The following ADAM10 variants were observed in gnomAD, a reference collection of about 807,000 sequenced individuals.
The protein encoded by ADAM10 is ADAM metallopeptidase domain 10.
A neutral mutation model predicts 90.1 loss-of-function variants in ADAM10; 17 were observed. The observed-to-expected ratio is 0.19, with a 90% confidence interval of 0.13 to 0.28. The LOEUF (loss-of-function observed/expected upper bound fraction) is 0.28. Among genes scored for constraint, ADAM10 ranks in the 10% least tolerant of loss-of-function variants. The pLI, the probability that ADAM10 is intolerant of heterozygous loss-of-function variation, is 1.00. For synonymous variants in ADAM10, 310 were observed against 298.6 expected (o/e 1.04, Z -0.40); for missense variants, 610 against 914.3 (o/e 0.67, Z 4.29).
intron 4 of ADAM10, among the ~76,000 whole-genome samples, chr15:58,665,773 C>A (rs1275181541): frequency 6.6e-6 from 1 of 152,004 alleles, no homozygotes; most frequent in Non-Finnish European, 1.5e-5. Flanking sequence ...TTATTACAGG[C>A]ATTTGTTGTC....
intron 8 of ADAM10, among the ~76,000 whole-genome samples, chr15:58,640,237 G>T (rs957672919): frequency 1.3e-5 from 2 of 152,136 alleles, no homozygotes; most frequent in Admixed American, 6.5e-5. Flanking sequence ...GGTACCAGGG[G>T]CTTCCTGCCT....
At chr15:58,615,678 A>G (rs1245104805) in intron 11 of ADAM10, among the ~76,000 whole-genome samples, 2 of 152,206 alleles carry the variant, frequency 1.3e-5, no homozygotes, top group Non-Finnish European at 2.9e-5. Context: ...AAGACTAGCT[A>G]TACCTGTATC....
At chr15:58,633,684 T>A (rs1342800615) in intron 8 of ADAM10, among the ~76,000 whole-genome samples, 2 of 152,160 alleles carry the variant, frequency 1.3e-5, no homozygotes, top group Non-Finnish European at 2.9e-5. Flanking sequence ...TTTGAATATA[T>A]CAGTATTTAC....
intron 8 of ADAM10, 29 bp from the exon 9 acceptor site, chr15:58,633,388 T>A: frequency 1.3e-6 from 2 of 1,598,154 alleles, no homozygotes; most frequent in Non-Finnish European, 1.7e-6. Context: ...ATGGCTAAAT[T>A]AGTATCTGTT....
chr15:58,688,786 A>ATATATATATATATATATATATATATC, intron 2 of ADAM10, among the ~76,000 whole-genome samples: 24 of 122,348 alleles, frequency 2.0e-4, no homozygotes, highest in South Asian at 1.5e-3. Flanking sequence ...ATATATATAT[A>ATATATATATATATATATATATATATC]TCTCTCTCTC....
At chr15:58,620,105 A>G (rs1294084283) in intron 11 of ADAM10, among the ~76,000 whole-genome samples, 2 of 152,110 alleles carry the variant, frequency 1.3e-5, no homozygotes, top group African/African-American at 4.8e-5. Flanking sequence ...CACATTAGTT[A>G]ATTTATCGCT....
Position 58,621,637 on chromosome 15 carries a change from A to T in ADAM10, c.1361-16T>A. Reference sequence around the variant, plus strand: ...TGGCCAGATTCTGAGGAAAATAAACAAGACAAAGTAAGCATTGTGTGCACA... The same window carrying T: ...TGGCCAGATTCTGAGGAAAATAAACTAGACAAAGTAAGCATTGTGTGCACA... On this transcript the variant is annotated splice_polypyrimidine_tract_variant and intron_variant, in intron 10 of 15. Coordinates refer to ENST00000260408, the MANE Select transcript of ADAM10 (RefSeq NM_001110.4). The T allele has an allele frequency of 6.2e-7, 1 of 1,613,432 alleles. No individual in the cohort carries two copies. Among genetic ancestry groups the T allele is most frequent in the East Asian group, 2.2e-5 (1 of 44,860 alleles).
intron 14 of ADAM10, among the ~76,000 whole-genome samples, chr15:58,600,165 G>C (rs1462846534): frequency 6.6e-6 from 1 of 152,032 alleles, no homozygotes; most frequent in Non-Finnish European, 1.5e-5. Context: ...GCCCTAACAA[G>C]GTTTGAGGAA....
At chr15:58,747,301 T>C (rs1245074991) in intron 1 of ADAM10, 3 of 152,184 alleles carry the variant, frequency 2.0e-5, no homozygotes, top group African/African-American at 2.4e-5. Flanking sequence ...ATCCTAGTAA[T>C]ATACAGAGCA....
intron 2 of ADAM10, chr15:58,691,214 C>A: frequency 1.2e-6 from 1 of 808,376 alleles, no homozygotes; most frequent in South Asian, 1.3e-5. Flanking sequence ...TGCAGAGGTT[C>A]TCAAACTTTA....
intron 5 of ADAM10, among the ~76,000 whole-genome samples, chr15:58,646,455 A>G (rs1476027454): frequency 1.3e-5 from 2 of 152,192 alleles, no homozygotes; most frequent in African/African-American, 4.8e-5. Context: ...GTATTCATTT[A>G]AATCTAAAGC....
chr15:58,746,752 T>C (rs756548599), intron 1 of ADAM10, among the ~76,000 whole-genome samples: 8 of 152,158 alleles, frequency 5.3e-5, no homozygotes, highest in Non-Finnish European at 8.8e-5. Context: ...CACTACTTTT[T>C]AAAATAAATA....
chr15:58,669,480 C>T (rs1400375418), intron 4 of ADAM10, among the ~76,000 whole-genome samples: 1 of 152,106 alleles, frequency 6.6e-6, no homozygotes, highest in Non-Finnish European at 1.5e-5. Context: ...GTTGTATTAT[C>T]AGCTTGGAGG....
At chr15:58,745,333 T>C (rs1461798745) in intron 1 of ADAM10, among the ~76,000 whole-genome samples, 1 of 152,238 alleles carries the variant, frequency 6.6e-6, no homozygotes, top group Non-Finnish European at 1.5e-5. Flanking sequence ...GCAGAGTTTA[T>C]GTTTGTATCC....
chr15:58,617,146 T>C (rs1438994123), intron 11 of ADAM10, among the ~76,000 whole-genome samples: 1 of 151,510 alleles, frequency 6.6e-6, no homozygotes, highest in African/African-American at 2.4e-5. Context: ...TAAAAATATA[T>C]CAACAAAATG....
At chr15:58,723,387 G>C (rs1430282881) in intron 1 of ADAM10, among the ~76,000 whole-genome samples, 6 of 151,974 alleles carry the variant, frequency 3.9e-5, no homozygotes, top group African/African-American at 1.4e-4. Context: ...AGAAAGAAAA[G>C]AAAAAAGAAA....
At chr15:58,643,132 T>A (rs947919781) in intron 7 of ADAM10, among the ~76,000 whole-genome samples, 1 of 152,130 alleles carries the variant, frequency 6.6e-6, no homozygotes, top group African/African-American at 2.4e-5. Flanking sequence ...TATACATATA[T>A]ATTTAGAATA....
intron 2 of ADAM10, among the ~76,000 whole-genome samples, chr15:58,687,392 A>C (rs1897633182): frequency 1.3e-5 from 2 of 152,236 alleles, no homozygotes; most frequent in African/African-American, 4.8e-5. Context: ...TGTGACCCAC[A>C]GAACATTGTA....
At chr15:58,676,357 T>C (rs976612072) in intron 4 of ADAM10, 5 of 453,620 alleles carry the variant, frequency 1.1e-5, no homozygotes, top group Admixed American at 4.8e-5. Flanking sequence ...TTCAATTCAA[T>C]AATGCAAGTA....
Sources: gnomAD v4.1 joint callset for allele counts (sites outside exome capture counted in the v4.1 genomes callset) on GRCh38, gnomAD v4.1.1 for gene constraint, MANE v1.5 for transcripts, NCBI Gene and HGNC (gene_info 2026-07-23, HGNC 2026-07-21) for gene names.